Variants in PHKB observed in about 807,000 individuals in gnomAD.
The protein encoded by PHKB is phosphorylase kinase regulatory subunit beta.
In PHKB, 122 loss-of-function variants were observed where a neutral mutation model predicts 152.1. That is an observed-to-expected ratio of 0.80 (90% confidence interval 0.69 to 0.93). The LOEUF (loss-of-function observed/expected upper bound fraction) is 0.93, where lower values mean the gene tolerates loss of function less well. Among genes scored for constraint, PHKB ranks in the 40% least tolerant of loss-of-function variants. The probability of loss-of-function intolerance (pLI) is 0.00; values close to 1 mark genes in which losing one functional copy is unlikely to be tolerated. For synonymous variants in PHKB, 436 were observed against 464.9 expected (o/e 0.94, Z 0.80); for missense variants, 1,304 against 1,328.4 (o/e 0.98, Z 0.29).
chr16:47,507,088 C>G (rs1016881623), intron 4 of PHKB, among the ~76,000 whole-genome samples: 2 of 152,146 alleles, frequency 1.3e-5, no homozygotes, highest in African/African-American at 2.4e-5. Context: ...ACCCTCCCAC[C>G]TCAGCCTCCC....
rs1168306783 is a variant in PHKB, at chr16:47,684,081, C to T, written c.2631-4960C>T. Among the ~76,000 whole-genome samples, 64 of 150,350 alleles carry T rather than the reference C, an allele frequency of 4.3e-4. 1 individual carries two copies. The highest frequency in any genetic ancestry group is 5.9e-5 in the Non-Finnish European group (4 of 67,840). On this transcript the variant is annotated intron_variant, in intron 26 of 30. Transcript: ENST00000323584. ...AGGTGCAGTGGCTTATACTTGTAAT[C>T]CCAGCACTTTGAGGGGCCAAGGTGG...
intron 10 of PHKB, among the ~76,000 whole-genome samples, chr16:47,589,567 T>G (rs934561231): frequency 1.3e-5 from 2 of 152,220 alleles, no homozygotes; most frequent in African/African-American, 4.8e-5. Context: ...CATTCCATCT[T>G]CCCTTATCTG....
intron 5 of PHKB, among the ~76,000 whole-genome samples, chr16:47,514,018 A>G (rs1044892487): frequency 1.3e-5 from 2 of 152,154 alleles, no homozygotes; most frequent in African/African-American, 4.8e-5. Context: ...TGTATTCCCT[A>G]TATTCTCCAA....
At chr16:47,565,397 C>G in intron 7 of PHKB, 2 of 1,140,786 alleles carry the variant, frequency 1.8e-6, no homozygotes, top group South Asian at 1.2e-5. Flanking sequence ...TCCCCCACCA[C>G]TTGTAGGGAT....
chr16:47,602,918 A>T (rs1398265156), intron 13 of PHKB, among the ~76,000 whole-genome samples: 2 of 152,074 alleles, frequency 1.3e-5, no homozygotes, highest in Admixed American at 1.3e-4. Context: ...AGTTATAGGA[A>T]ATACTTCTCT....
intron 4 of PHKB, among the ~76,000 whole-genome samples, chr16:47,510,072 C>G (rs995663067): frequency 6.6e-6 from 1 of 152,158 alleles, no homozygotes; most frequent in Non-Finnish European, 1.5e-5. Context: ...AGGATATAAG[C>G]AAACACCAGA....
chr16:47,502,187 A>C (rs1205270115), intron 3 of PHKB, among the ~76,000 whole-genome samples: 2 of 152,194 alleles, frequency 1.3e-5, no homozygotes, highest in African/African-American at 2.4e-5. Flanking sequence ...AGTTAAGATT[A>C]AGTGAAACAA....
intron 6 of PHKB, among the ~76,000 whole-genome samples, chr16:47,540,432 C>T (rs1022709107): frequency 5.3e-5 from 8 of 151,826 alleles, no homozygotes; most frequent in African/African-American, 1.9e-4. Context: ...TCCTTTTTGC[C>T]CTTTGAAGCA....
At chr16:47,596,594 T>C in intron 13 of PHKB, 63 bp downstream of exon 13, 1 of 1,475,434 alleles carries the variant, frequency 6.8e-7, no homozygotes, top group Non-Finnish European at 9.5e-7. Flanking sequence ...GAAATAAATA[T>C]GCCTTTGCTG....
intron 14 of PHKB, among the ~76,000 whole-genome samples, chr16:47,616,213 G>A (rs1972511497): frequency 6.6e-6 from 1 of 151,762 alleles, no homozygotes; most frequent in African/African-American, 2.4e-5. Context: ...TTAGTTGCTT[G>A]TGCTTATGGT....
chr16:47,690,318 C>A (rs899544527), intron 27 of PHKB, among the ~76,000 whole-genome samples: 1 of 152,128 alleles, frequency 6.6e-6, no homozygotes, highest in African/African-American at 2.4e-5. Flanking sequence ...AACAAGAAGA[C>A]ATGGTTAAAT....
chr16:47,576,979 A>G (rs1971760093), intron 7 of PHKB, among the ~76,000 whole-genome samples: 1 of 151,220 alleles, frequency 6.6e-6, no homozygotes, highest in South Asian at 2.1e-4. Context: ...TCAGTCTGCC[A>G]TTTTCTTTTT....
intron 16 of PHKB, among the ~76,000 whole-genome samples, chr16:47,646,554 T>A (rs1349077382): frequency 2.4e-3 from 245 of 100,564 alleles, no homozygotes; most frequent in Middle Eastern, 4.7e-3. Flanking sequence ...ACATTAAAAA[T>A]AAAAAATAAA....
At chr16:47,496,974 G>A (rs1486427789) in intron 1 of PHKB, among the ~76,000 whole-genome samples, 1 of 152,152 alleles carries the variant, frequency 6.6e-6, no homozygotes, top group East Asian at 1.9e-4. Context: ...TGAGGGTTTG[G>A]GGGTATGATT....
At chr16:47,603,166 G>A (rs1388041646) in intron 13 of PHKB, among the ~76,000 whole-genome samples, 2 of 152,110 alleles carry the variant, frequency 1.3e-5, no homozygotes, top group African/African-American at 4.8e-5. Flanking sequence ...AGAAACTGAG[G>A]TCTTGATTTT....
intron 6 of PHKB, among the ~76,000 whole-genome samples, chr16:47,544,612 T>A (rs1971125435): frequency 6.6e-6 from 1 of 152,254 alleles, no homozygotes; most frequent in South Asian, 2.1e-4. Context: ...ATGCAATTGT[T>A]CCAGAGCTGA....
chr16:47,667,554 C>T (rs2151740205), intron 25 of PHKB, among the ~76,000 whole-genome samples: 2 of 152,152 alleles, frequency 1.3e-5, no homozygotes, highest in African/African-American at 4.8e-5. Context: ...TAAAACAGAC[C>T]AAAATACAGG....
chr16:47,660,443 C>T (rs1383981732), intron 20 of PHKB, 63 bp from the exon 21 acceptor site: 4 of 1,283,398 alleles, frequency 3.1e-6, no homozygotes, highest in Admixed American at 1.7e-5. Context: ...GGTATGCACA[C>T]AGGCCATTAG....
intron 16 of PHKB, among the ~76,000 whole-genome samples, chr16:47,644,477 A>G (rs1326180541): frequency 6.6e-6 from 1 of 152,230 alleles, no homozygotes; most frequent in East Asian, 1.9e-4. Flanking sequence ...ACTCTCACAT[A>G]GATGTGTGCA....
Sources: allele counts gnomAD v4.1 joint callset (sites outside exome capture counted in the v4.1 genomes callset), GRCh38; gene constraint gnomAD v4.1.1; transcripts MANE v1.5; gene names NCBI Gene and HGNC (gene_info 2026-07-23, HGNC 2026-07-21).